Variants in MUC7 observed in about 807,000 individuals in gnomAD.
MUC7 encodes the protein mucin-7.
A neutral mutation model predicts 2.5 loss-of-function variants in MUC7; 2 were observed. The ratio of observed to expected loss-of-function variants is 0.81; its 90% CI spans 0.33 to 2.55. MUC7 has a LOEUF of 2.55. Ranked by LOEUF, MUC7 falls within the 30% of genes most tolerant of loss-of-function variation. MUC7 has a pLI of 0.11. For synonymous variants in MUC7, 133 were observed against 173.4 expected (o/e 0.77, Z 1.83); for missense variants, 408 against 455.6 (o/e 0.90, Z 0.95).
chr4:70,464,052 G>A (rs1734621217), intron 1 of MUC7, among the ~76,000 whole-genome samples: 1 of 152,278 alleles, frequency 6.6e-6, no homozygotes, highest in Non-Finnish European at 1.5e-5. Context: ...GAGATACCTG[G>A]CTCATCTCAT....
intron 1 of MUC7, among the ~76,000 whole-genome samples, chr4:70,450,699 C>A (rs1214604426): frequency 1.5e-4 from 23 of 152,130 alleles, no homozygotes; most frequent in Admixed American, 1.5e-3. Context: ...TCCTTCAAGG[C>A]AGCAGGTTCC....
intron 2 of MUC7, among the ~76,000 whole-genome samples, chr4:70,477,580 TC>T (rs1286567615): frequency 6.6e-6 from 1 of 152,098 alleles, no homozygotes; most frequent in Non-Finnish European, 1.5e-5. Flanking sequence ...GCCATGTGTC[TC>T]TCCTTCTCCT....
rs1735235425 is a variant in MUC7, at chr4:70,482,663, A to C, written c.*785A>C. The C allele has an allele frequency of 6.6e-6, 1 of 152,232 alleles. No homozygotes were observed. The highest frequency in any genetic ancestry group is 1.5e-5 in the Non-Finnish European group (1 of 68,036). The allele number at this position is 152,232 out of a possible 1,614,324, so 9.4% of individuals were successfully genotyped here. On this transcript the variant is annotated 3_prime_UTR_variant, in exon 3 of 3. Coordinates refer to ENST00000304887, the MANE Select transcript of MUC7 (RefSeq NM_152291.3). ...CAAGAATATGTTTGTGTATGTTCAC[A>C]TGGTGCTTATAATATTTCACTATCA...
At chr4:70,465,577 C>G (rs1386432551) in intron 1 of MUC7, among the ~76,000 whole-genome samples, 1 of 152,058 alleles carries the variant, frequency 6.6e-6, no homozygotes, top group African/African-American at 2.4e-5. Flanking sequence ...CTGAAAAACA[C>G]AGCACGAGAA....
chr4:70,457,641 A>G (rs1734446375), intron 1 of MUC7, among the ~76,000 whole-genome samples: 1 of 152,134 alleles, frequency 6.6e-6, no homozygotes, highest in African/African-American at 2.4e-5. Context: ...AAACTGTTAC[A>G]TAATTATATA....
At chr4:70,478,891 A>G (rs1025175085) in intron 2 of MUC7, among the ~76,000 whole-genome samples, 5 of 152,242 alleles carry the variant, frequency 3.3e-5, no homozygotes, top group African/African-American at 9.6e-5. Context: ...TGCCCTTTTA[A>G]GAGAGATTTA....
chr4:70,460,498 A>T (rs1577907827), intron 1 of MUC7, among the ~76,000 whole-genome samples: 1 of 146,124 alleles, frequency 6.8e-6, no homozygotes, highest in Non-Finnish European at 1.5e-5. Flanking sequence ...GGAGTGGGGG[A>T]TGGAATCTCA....
At chr4:70,433,031 G>A (rs544756088) in intron 1 of MUC7, among the ~76,000 whole-genome samples, 22 of 152,316 alleles carry the variant, frequency 1.4e-4, no homozygotes, top group African/African-American at 4.8e-4. Context: ...TCCAAGATCA[G>A]ATGGTTGTAG....
chr4:70,475,393 G>T (rs1445286029), intron 2 of MUC7, among the ~76,000 whole-genome samples: 1 of 152,188 alleles, frequency 6.6e-6, no homozygotes, highest in African/African-American at 2.4e-5. Context: ...GATATATGTT[G>T]TCTGGAGTTC....
chr4:70,436,794 T>G lies in MUC7; in HGVS notation c.-93+6107T>G, dbSNP rs1297373127. Among the ~76,000 whole-genome samples, 3 of 152,334 alleles carry G rather than the reference T, an allele frequency of 2.0e-5. No individual in the cohort carries two copies. The East Asian group carries it at 5.8e-4, about 29-fold the overall frequency. ...AAAGAGGCGTTTTGGTTTTTGGAAT[T>G]TTCAGCTTTTCTGTTCTGGTTTCTC... On this transcript the variant is annotated intron_variant, in intron 1 of 3. Transcript: ENST00000413702.
chr4:70,438,202 A>G (rs1484068264), intron 1 of MUC7, among the ~76,000 whole-genome samples: 1 of 152,172 alleles, frequency 6.6e-6, no homozygotes, highest in Non-Finnish European at 1.5e-5. Flanking sequence ...ATTTATTACC[A>G]TTTCTGAATA....
chr4:70,468,471 T>C (rs1157820790), upstream of MUC7, among the ~76,000 whole-genome samples: 1 of 152,154 alleles, frequency 6.6e-6, no homozygotes, highest in Non-Finnish European at 1.5e-5. Context: ...AGTCAAATTG[T>C]CTCTGTTTGC....
At chr4:70,464,746 A>C (rs1364711360) in intron 1 of MUC7, among the ~76,000 whole-genome samples, 1 of 152,166 alleles carries the variant, frequency 6.6e-6, no homozygotes, top group Non-Finnish European at 1.5e-5. Context: ...AAGCAGCCCC[A>C]GTCAGGGGCT....
intron 1 of MUC7, among the ~76,000 whole-genome samples, chr4:70,447,349 A>C (rs921625147): frequency 3.9e-5 from 6 of 152,168 alleles, no homozygotes; most frequent in Non-Finnish European, 7.3e-5. Flanking sequence ...GAGCTCATTA[A>C]ATGTTGGCTC....
intron 1 of MUC7, among the ~76,000 whole-genome samples, chr4:70,437,828 G>A (rs770818196): frequency 1.3e-5 from 2 of 152,016 alleles, no homozygotes; most frequent in African/African-American, 4.8e-5. Context: ...GCTGTAGACT[G>A]GAGCTGTTCC....
In MUC7 at chr4:70,442,658, A is replaced by G. The variant is rs867002569; in HGVS notation, c.-93+11971A>G. Among the ~76,000 whole-genome samples the G allele has an allele frequency of 9.2e-5, 14 of 152,320 alleles. No individual in the cohort carries two copies. In the Middle Eastern group the frequency reaches 0.01, roughly 111 times the overall value. The stretch of plus-strand genomic sequence containing the variant: ...CTGGTGATTACTCCTCTTGCCCTCT[A>G]TGGCCACATGAGGGCCAAAATAAGG... On this transcript the variant is annotated intron_variant, in intron 1 of 3. Coordinates refer to the MUC7 transcript ENST00000413702.
chr4:70,454,226 T>C (rs1301121380), intron 1 of MUC7, among the ~76,000 whole-genome samples: 2 of 152,140 alleles, frequency 1.3e-5, no homozygotes, highest in African/African-American at 4.8e-5. Context: ...TGCCTAGAAA[T>C]TGCAGCTTCT....
In MUC7 at chr4:70,480,860, C is replaced by T. The variant is rs1735144817; in HGVS notation, c.116C>T (p.Pro39Leu). ...LRHRRHHHQS[P>L]KSHFELPHYP... ...CACAGAAGGCATCATCACCAATCAC[C>T]CAAATCTCACTTTGAATTACCACAT... The change falls in exon 3 of 3, where the codon CCC (proline) becomes CTC (leucine). Residue 39 changes from proline (P) to leucine (L), a missense_variant. Transcript: ENST00000304887. The T allele has an allele frequency of 2.5e-6, 4 of 1,614,124 alleles. No individual in the cohort carries two copies. Among genetic ancestry groups the T allele is most frequent in the Middle Eastern group, 3.3e-4 (2 of 6,058 alleles).
intron 1 of MUC7, among the ~76,000 whole-genome samples, chr4:70,433,020 G>C (rs1353106094): frequency 6.6e-6 from 1 of 152,174 alleles, no homozygotes; most frequent in South Asian, 2.1e-4. Flanking sequence ...TGTCAGGTTT[G>C]TCCAAGATCA....
Sources: allele counts gnomAD v4.1 joint callset (sites outside exome capture counted in the v4.1 genomes callset), GRCh38; gene constraint gnomAD v4.1.1; transcripts MANE v1.5; gene names NCBI Gene and HGNC (gene_info 2026-07-23, HGNC 2026-07-21).